AIMP1: variants seen among roughly 807,000 people sequenced by gnomAD.
The protein encoded by AIMP1 is aminoacyl tRNA synthase complex-interacting multifunctional protein 1.
Under a neutral mutation model 33.1 loss-of-function variants are expected in AIMP1, and 24 were observed. That is an observed-to-expected ratio of 0.73 (90% CI 0.53 to 1.02). The LOEUF (loss-of-function observed/expected upper bound fraction) is 1.02, where lower values mean the gene tolerates loss of function less well. Ranked by LOEUF, AIMP1 falls within the 50% of genes least tolerant of loss-of-function variation. AIMP1 has a pLI of 0.00. For synonymous variants in AIMP1, 120 were observed against 121.5 expected (o/e 0.99, Z 0.08); for missense variants, 367 against 364.8 (o/e 1.01, Z -0.05).
intron 4 of AIMP1, among the ~76,000 whole-genome samples, chr4:106,328,489 G>T (rs998388651): frequency 6.6e-6 from 1 of 152,146 alleles, no homozygotes; most frequent in African/African-American, 2.4e-5. Context: ...AAAACAGACT[G>T]TAAAGGTTAA....
chr4:106,337,091 TG>T (rs1769913866), intron 6 of AIMP1, 54 bp downstream of exon 6: 1 of 1,470,834 alleles, frequency 6.8e-7, no homozygotes, highest in Non-Finnish European at 9.5e-7. Context: ...CTCAAAGTGA[TG>T]TTTGTAATGC....
chr4:106,315,794 A>C (rs1342615378), upstream of AIMP1: 1 of 152,326 alleles, frequency 6.6e-6, no homozygotes, highest in African/African-American at 2.4e-5. Context: ...GACAGTACCT[A>C]TCAGCAAGCG....
rs1134648 is a variant in AIMP1 at position 106,328,087 on chromosome 4, C to G, written c.235C>G (p.Pro79Ala). 47,080 of 1,612,366 alleles carry G rather than the reference C, an allele frequency of 0.029. 3,653 individuals are homozygous for G. The highest frequency in any genetic ancestry group is 0.26 in the East Asian group (11,734 of 44,772). ...AEIQNGVKQI[P>A]FPSGTPLHAN... ...ATTTTCTGTCTCAGTGAAGCAAATACCATTTCCATCTGGTACTCCACTGCA... is the reference window on the plus strand; with the variant it reads ...ATTTTCTGTCTCAGTGAAGCAAATAGCATTTCCATCTGGTACTCCACTGCA... The change falls in exon 4 of 7, where the codon CCA (proline) becomes GCA (alanine). Residue 79 changes from proline (P) to alanine (A), a missense_variant. Transcript: ENST00000672341.
chr4:106,332,673 A>C, intron 5 of AIMP1, among the ~76,000 whole-genome samples: 1 of 149,316 alleles, frequency 6.7e-6, no homozygotes. Context: ...GTATCTATAG[A>C]TATATACTCA....
rs552434668 is a variant in AIMP1, at chr4:106,327,553, T to A, written c.212T>A (p.Ile71Asn). ...AAACAAGAGCTAATTCAGGCAGAAATTCAAAATGGAGGTAATTAAATATAG... is the reference window on the plus strand; with the variant it reads ...AAACAAGAGCTAATTCAGGCAGAAAATCAAAATGGAGGTAATTAAATATAG... The part of the protein sequence containing the change: ...ELKQELIQAE[I>N]QNGVKQIPFP... Residue 71 changes from isoleucine to asparagine, a missense_variant, in exon 3 of 7, where the codon ATT becomes AAT. Ile to Asn is a moderately radical substitution (Grantham distance 149, BLOSUM62 -3). Transcript: ENST00000672341. 17 of 1,610,406 alleles carry A rather than the reference T, an allele frequency of 1.1e-5. No individual in the cohort carries two copies. In the African/African-American group the frequency reaches 2.3e-4, roughly 21 times the overall value.
At chr4:106,336,243 T>C (rs1482275088) in intron 5 of AIMP1, among the ~76,000 whole-genome samples, 2 of 148,476 alleles carry the variant, frequency 1.3e-5, no homozygotes, top group Non-Finnish European at 3.0e-5. Context: ...ATTTTGCCCA[T>C]GCTGGTCTCG....
intron 5 of AIMP1, among the ~76,000 whole-genome samples, chr4:106,333,811 C>G (rs1769768290): frequency 6.6e-6 from 1 of 151,930 alleles, no homozygotes; most frequent in South Asian, 2.1e-4. Flanking sequence ...CATGATGATA[C>G]CCTTCAGAGC....
intron 6 of AIMP1, among the ~76,000 whole-genome samples, chr4:106,343,128 T>C (rs1163474656): frequency 6.6e-6 from 1 of 152,142 alleles, no homozygotes; most frequent in African/African-American, 2.4e-5. Context: ...TATTGGTCTG[T>C]TCATGTTTTT....
intron 6 of AIMP1, among the ~76,000 whole-genome samples, chr4:106,341,895 T>C (rs1770112528): frequency 6.6e-6 from 1 of 152,212 alleles, no homozygotes; most frequent in Non-Finnish European, 1.5e-5. Context: ...TAAGGCAATT[T>C]TAACAATACT....
chr4:106,332,135 A>G (rs1341941236), intron 5 of AIMP1, among the ~76,000 whole-genome samples: 5 of 152,170 alleles, frequency 3.3e-5, no homozygotes, highest in Admixed American at 3.3e-4. Context: ...ATCTATTTTT[A>G]AAGTATTTTT....
chr4:106,333,855 G>A (rs907711538), intron 5 of AIMP1, among the ~76,000 whole-genome samples: 1 of 151,962 alleles, frequency 6.6e-6, no homozygotes, highest in Non-Finnish European at 1.5e-5. Context: ...TTTCTTATAA[G>A]CTTTCAAACC....
chr4:106,324,183 G>T (rs2125920500), intron 1 of AIMP1, among the ~76,000 whole-genome samples: 1 of 152,036 alleles, frequency 6.6e-6, no homozygotes, highest in South Asian at 2.1e-4. Context: ...AATTATTTCA[G>T]CAATACTTGT....
intron 1 of AIMP1, among the ~76,000 whole-genome samples, chr4:106,320,869 G>GC (rs1769193051): frequency 6.6e-6 from 1 of 152,106 alleles, no homozygotes; most frequent in African/African-American, 2.4e-5. Flanking sequence ...GCCTCAGTCT[G>GC]CCGAGTTCCT....
chr4:106,342,803 A>G (rs1770146428), intron 6 of AIMP1, among the ~76,000 whole-genome samples: 1 of 151,962 alleles, frequency 6.6e-6, no homozygotes, highest in South Asian at 2.1e-4. Context: ...TTCACAAGGA[A>G]GGAGCTCCTC....
At chr4:106,344,492 A>T (rs1317971073) in intron 6 of AIMP1, among the ~76,000 whole-genome samples, 3 of 152,152 alleles carry the variant, frequency 2.0e-5, no homozygotes, top group Non-Finnish European at 4.4e-5. Context: ...AATAATTATT[A>T]ACTCCACCAC....
chr4:106,331,621 T>C (rs763057489), intron 4 of AIMP1, 51 bp from the exon 5 acceptor site: 1 of 1,551,140 alleles, frequency 6.4e-7, no homozygotes, highest in African/African-American at 1.4e-5. Context: ...TCATAGTGTT[T>C]TTTTGCTTGG....
At chr4:106,337,207 G>A (rs1345114854) in intron 6 of AIMP1, among the ~76,000 whole-genome samples, 170 bp downstream of exon 6, 2 of 152,156 alleles carry the variant, frequency 1.3e-5, no homozygotes, top group Non-Finnish European at 2.9e-5. Context: ...GACACATTGA[G>A]TAAACCTTGT....
intron 5 of AIMP1, 48 bp downstream of exon 5, chr4:106,331,931 T>C (rs748498116): frequency 7.9e-5 from 118 of 1,500,940 alleles, no homozygotes; most frequent in Non-Finnish European, 1.1e-4. Flanking sequence ...AACATTTTCA[T>C]TCCCTCCTTC....
chr4:106,330,798 T>G (rs1415285164), intron 4 of AIMP1, among the ~76,000 whole-genome samples: 1 of 152,228 alleles, frequency 6.6e-6, no homozygotes, highest in Non-Finnish European at 1.5e-5. Context: ...CTTATCTCTG[T>G]TCTTTGGATT....
Sources: allele counts gnomAD v4.1 joint callset (sites outside exome capture counted in the v4.1 genomes callset), GRCh38; gene constraint gnomAD v4.1.1; transcripts MANE v1.5; gene names NCBI Gene and HGNC (gene_info 2026-07-23, HGNC 2026-07-21).